The following ROBO2 variants were observed in gnomAD, a reference collection of about 807,000 sequenced individuals.
ROBO2 encodes the protein roundabout homolog 2.
Under a neutral mutation model 160.8 loss-of-function variants are expected in ROBO2, and 53 were observed. The observed-to-expected ratio is 0.33, with a 90% CI of 0.26 to 0.41. The LOEUF (loss-of-function observed/expected upper bound fraction) is 0.41, where lower values mean the gene tolerates loss of function less well. Ranked by LOEUF, ROBO2 falls within the 10% of genes least tolerant of loss-of-function variation. ROBO2 has a pLI of 1.00. For missense variants in ROBO2, 1,577 were observed against 1,722.4 expected (o/e 0.92, Z 1.49); for synonymous variants, 664 against 611.7 (o/e 1.09, Z -1.26).
At chr3:76,819,429 G>C (rs931244330) in intron 2 of ROBO2, among the ~76,000 whole-genome samples, 2 of 152,050 alleles carry the variant, frequency 1.3e-5, no homozygotes, top group Non-Finnish European at 2.9e-5. Context: ...TGAAAATTAG[G>C]CTGCTTGACT....
At chr3:76,338,786 TTAA>T (rs2074046110) in intron 2 of ROBO2, among the ~76,000 whole-genome samples, 1 of 151,260 alleles carries the variant, frequency 6.6e-6, no homozygotes, top group African/African-American at 2.4e-5. Flanking sequence ...ATATATTTGA[TTAA>T]TAAACATAAT....
chr3:76,398,312 C>A (rs907984060), intron 2 of ROBO2, among the ~76,000 whole-genome samples: 1 of 120,298 alleles, frequency 8.3e-6, no homozygotes, highest in African/African-American at 3.5e-5. Context: ...ACATCACACT[C>A]TGGGGACTGT....
intron 2 of ROBO2, among the ~76,000 whole-genome samples, chr3:76,265,085 G>C (rs772006880): frequency 6.6e-6 from 1 of 152,054 alleles, no homozygotes; most frequent in African/African-American, 2.4e-5. Flanking sequence ...CCTTACATCT[G>C]AGCCCTCCTG....
At chr3:76,647,005 G>C (rs2091002161) in intron 2 of ROBO2, among the ~76,000 whole-genome samples, 1 of 152,120 alleles carries the variant, frequency 6.6e-6, no homozygotes, top group African/African-American at 2.4e-5. Flanking sequence ...TTAGAACTCA[G>C]ACCTCAGAAA....
chr3:75,918,303 T>A (rs1375334694), intron 1 of ROBO2, among the ~76,000 whole-genome samples: 1 of 152,220 alleles, frequency 6.6e-6, no homozygotes, highest in East Asian at 1.9e-4. Context: ...CCTTTCCCCA[T>A]TGCTTGCTTT....
chr3:76,154,018 A>G (rs1393174071), intron 2 of ROBO2, among the ~76,000 whole-genome samples: 5 of 152,104 alleles, frequency 3.3e-5, no homozygotes, highest in African/African-American at 1.2e-4. Context: ...CAGTTACCTA[A>G]TACACATTCC....
chr3:76,682,334 TG>T (rs1472809992), intron 2 of ROBO2, among the ~76,000 whole-genome samples: 2 of 152,096 alleles, frequency 1.3e-5, no homozygotes, highest in African/African-American at 4.8e-5. Flanking sequence ...TACATATTGG[TG>T]TGGAAGATAA....
At chr3:75,967,653 T>G (rs1160672930) in intron 2 of ROBO2, among the ~76,000 whole-genome samples, 4 of 151,582 alleles carry the variant, frequency 2.6e-5, no homozygotes, top group African/African-American at 4.8e-5. Context: ...TTAGAAGGCA[T>G]GGAGGAATCT....
intron 2 of ROBO2, among the ~76,000 whole-genome samples, chr3:76,015,980 G>GA (rs2066394559): frequency 6.6e-6 from 1 of 152,066 alleles, no homozygotes; most frequent in Non-Finnish European, 1.5e-5. Flanking sequence ...GGGATTGGCA[G>GA]AAAAAATGAG....
intron 2 of ROBO2, among the ~76,000 whole-genome samples, chr3:77,218,785 G>C (rs938647178): frequency 6.6e-6 from 1 of 152,122 alleles, no homozygotes; most frequent in Non-Finnish European, 1.5e-5. Context: ...ACTGACTAAT[G>C]CGTCTGACTT....
chr3:77,465,640 G>A (rs558880430), intron 2 of ROBO2, among the ~76,000 whole-genome samples: 7 of 152,260 alleles, frequency 4.6e-5, no homozygotes, highest in African/African-American at 1.7e-4. Flanking sequence ...TTTCAGCTAA[G>A]ATGTGAAGGT....
chr3:76,373,390 A>C (rs564294314), intron 2 of ROBO2, among the ~76,000 whole-genome samples: 2 of 152,128 alleles, frequency 1.3e-5, no homozygotes, highest in East Asian at 3.9e-4. Flanking sequence ...CAGTTTGGCT[A>C]TTTTGACTTT....
At chr3:76,157,230 G>A (rs529136372) in intron 2 of ROBO2, among the ~76,000 whole-genome samples, 1 of 152,184 alleles carries the variant, frequency 6.6e-6, no homozygotes, top group South Asian at 2.1e-4. Context: ...ATACTTGGCT[G>A]ATTATTTGAA....
chr3:76,328,146 A>T (rs576140509), intron 2 of ROBO2, among the ~76,000 whole-genome samples: 128 of 152,340 alleles, frequency 8.4e-4, no homozygotes, highest in African/African-American at 2.8e-3. Context: ...TCCAAAAGTG[A>T]TATATCTATC....
At chr3:76,274,943 A>C (rs973936736) in intron 2 of ROBO2, among the ~76,000 whole-genome samples, 1 of 152,164 alleles carries the variant, frequency 6.6e-6, no homozygotes, top group African/African-American at 2.4e-5. Context: ...AGTGAATATA[A>C]TATTTTATGC....
intron 2 of ROBO2, among the ~76,000 whole-genome samples, chr3:76,576,244 G>A (rs1196364605): frequency 1.3e-5 from 2 of 152,076 alleles, no homozygotes; most frequent in Admixed American, 6.6e-5. Flanking sequence ...CAGTAATAAT[G>A]TAATAACATG....
chr3:77,076,254 T>C (rs535184458), intron 1 of ROBO2, among the ~76,000 whole-genome samples: 1 of 152,272 alleles, frequency 6.6e-6, no homozygotes, highest in East Asian at 1.9e-4. Flanking sequence ...ATTGTCCATT[T>C]TAGTGTGTTA....
intron 2 of ROBO2, among the ~76,000 whole-genome samples, chr3:76,203,129 T>C (rs1189959812): frequency 1.3e-5 from 2 of 152,108 alleles, no homozygotes; most frequent in African/African-American, 4.8e-5. Context: ...CCTAAAACAA[T>C]GTACCCGTGT....
At chr3:76,700,521 C>A (rs1335621907) in intron 2 of ROBO2, among the ~76,000 whole-genome samples, 3 of 152,068 alleles carry the variant, frequency 2.0e-5, no homozygotes, top group Non-Finnish European at 1.5e-5. Flanking sequence ...GCCAGGAAAC[C>A]TCTCTGAAGG....
Sources: allele counts gnomAD v4.1 joint callset (sites outside exome capture counted in the v4.1 genomes callset), GRCh38; gene constraint gnomAD v4.1.1; transcripts MANE v1.5; gene names NCBI Gene and HGNC (gene_info 2026-07-23, HGNC 2026-07-21).